Variants in DAB1 observed in about 807,000 individuals in gnomAD.
DAB1 encodes disabled homolog 1.
DAB1 carries 15 observed loss-of-function variants against 64.6 expected under a neutral mutation model. The observed-to-expected ratio is 0.23, with a 90% CI of 0.16 to 0.36. DAB1 has a LOEUF of 0.36. Ranked by LOEUF, DAB1 falls within the 10% of genes least tolerant of loss-of-function variation. DAB1 has a pLI of 1.00. For synonymous variants in DAB1, 235 were observed against 251.9 expected (o/e 0.93, Z 0.64); for missense variants, 596 against 706.7 (o/e 0.84, Z 1.78).
At chr1:57,155,281 C>T (rs1342532536) in intron 2 of DAB1, among the ~76,000 whole-genome samples, 1 of 151,918 alleles carries the variant, frequency 6.6e-6, no homozygotes, top group East Asian at 1.9e-4. Context: ...ATTAGAGAGA[C>T]TTTTTTTTCC....
intron 1 of DAB1, among the ~76,000 whole-genome samples, chr1:57,375,289 A>G (rs1224094193): frequency 6.6e-6 from 1 of 152,146 alleles, no homozygotes; most frequent in Non-Finnish European, 1.5e-5. Flanking sequence ...TTGAACCCTC[A>G]CAACAATCCC....
At chr1:57,187,379 C>T (rs1295877331) in intron 2 of DAB1, among the ~76,000 whole-genome samples, 1 of 152,166 alleles carries the variant, frequency 6.6e-6, no homozygotes, top group African/African-American at 2.4e-5. Flanking sequence ...ATCTATGTAA[C>T]AAGGTACAGT....
intron 5 of DAB1, among the ~76,000 whole-genome samples, chr1:58,117,755 A>G (rs1422254796): frequency 6.6e-6 from 1 of 152,110 alleles, no homozygotes; most frequent in African/African-American, 2.4e-5. Context: ...CAAGTAAAAG[A>G]TATGAATTGA....
chr1:57,701,688 T>C lies in DAB1; in HGVS notation n.552-52023A>G, dbSNP rs567083356. On this transcript the variant is annotated intron_variant and non_coding_transcript_variant, in intron 6 of 20. Coordinates refer to the DAB1 transcript ENST00000485760. The stretch of plus-strand genomic sequence containing the variant: ...TGCATATGTACCCTAAAACTTAAAG[T>C]ATAATAATAATAATAAAATAAAAAA... Among the ~76,000 whole-genome samples the C allele has an allele frequency of 8.9e-3, 1,343 of 151,520 alleles. 19 individuals are homozygous for C. Among genetic ancestry groups the C allele is most frequent in the African/African-American group, 0.03 (1,252 of 41,292 alleles).
intron 7 of DAB1, among the ~76,000 whole-genome samples, chr1:57,619,566 A>G (rs1040887072): frequency 6.6e-6 from 1 of 151,978 alleles, no homozygotes; most frequent in African/African-American, 2.4e-5. Context: ...GGCCTGGCTA[A>G]TTTTTTAAAC....
At chr1:58,195,125 G>GGAGA (rs746199650) in intron 4 of DAB1, among the ~76,000 whole-genome samples, 3 of 140,076 alleles carry the variant, frequency 2.1e-5, no homozygotes, top group Non-Finnish European at 3.1e-5. Context: ...AGGGCCACCA[G>GGAGA]GAGAGAGAGA....
chr1:57,356,796 C>T (rs148829451), intron 1 of DAB1, among the ~76,000 whole-genome samples: 271 of 152,116 alleles, frequency 1.8e-3, no homozygotes, highest in Middle Eastern at 0.01. Context: ...GCTACCACAG[C>T]AACTTATAAT....
chr1:57,319,943 G>C (rs1050055286), intron 1 of DAB1, among the ~76,000 whole-genome samples: 1 of 152,172 alleles, frequency 6.6e-6, no homozygotes, highest in Admixed American at 6.5e-5. Context: ...CCTGGGACCA[G>C]GAAGCAATTA....
chr1:57,251,289 C>T (rs945583663), intron 2 of DAB1, among the ~76,000 whole-genome samples: 4 of 152,212 alleles, frequency 2.6e-5, no homozygotes, highest in Admixed American at 2.6e-4. Context: ...GGACTGCCAA[C>T]TTACAGGGCC....
intron 3 of DAB1, among the ~76,000 whole-genome samples, chr1:58,484,263 G>A (rs1461979717): frequency 2.0e-5 from 3 of 152,104 alleles, no homozygotes; most frequent in African/African-American, 7.2e-5. Context: ...AAATTACCCT[G>A]CTATAAAAAC....
intron 7 of DAB1, among the ~76,000 whole-genome samples, chr1:57,589,658 G>A (rs146527721): frequency 0.047 from 7,128 of 152,148 alleles, 286 homozygotes; most frequent in Admixed American, 0.15. Flanking sequence ...TCAGGAGGCT[G>A]AGGCAAGAGT....
chr1:58,430,000 A>G (rs2100237896), intron 3 of DAB1, among the ~76,000 whole-genome samples: 1 of 152,330 alleles, frequency 6.6e-6, no homozygotes. Context: ...CACATGGCAG[A>G]AAAGAGTGAG....
At chr1:57,030,802 TC>T (rs1473769563) in intron 9 of DAB1, among the ~76,000 whole-genome samples, 1 of 152,242 alleles carries the variant, frequency 6.6e-6, no homozygotes, top group Non-Finnish European at 1.5e-5. Flanking sequence ...GCTATGCTAG[TC>T]TTTTAGACCC....
At chr1:57,797,551 G>A (rs1650929843) in intron 6 of DAB1, among the ~76,000 whole-genome samples, 1 of 152,174 alleles carries the variant, frequency 6.6e-6, no homozygotes, top group Non-Finnish European at 1.5e-5. Flanking sequence ...AGCATTTTTA[G>A]TGTTGCATAA....
At chr1:58,466,990 T>C (rs1439311020) in intron 3 of DAB1, among the ~76,000 whole-genome samples, 1 of 152,180 alleles carries the variant, frequency 6.6e-6, no homozygotes, top group Non-Finnish European at 1.5e-5. Context: ...TCACAGCAGA[T>C]CTGCGGCTTG....
intron 4 of DAB1, among the ~76,000 whole-genome samples, chr1:58,254,183 T>C (rs1358514866): frequency 3.3e-5 from 5 of 152,114 alleles, no homozygotes; most frequent in East Asian, 1.9e-4. Context: ...TATATTAGTA[T>C]AAAGACAATG....
chr1:57,287,008 C>A (rs1414737294), intron 2 of DAB1, among the ~76,000 whole-genome samples: 1 of 152,170 alleles, frequency 6.6e-6, no homozygotes, highest in Non-Finnish European at 1.5e-5. Context: ...ATTCAACATG[C>A]AAATTTAGAA....
At chr1:57,761,521 A>G (rs942696342) in intron 6 of DAB1, among the ~76,000 whole-genome samples, 8 of 152,186 alleles carry the variant, frequency 5.3e-5, no homozygotes, top group African/African-American at 1.9e-4. Context: ...TCATTGCTCC[A>G]GCTTGCAGTC....
At chr1:57,443,165 A>G (rs532215850) in intron 7 of DAB1, among the ~76,000 whole-genome samples, 4 of 152,372 alleles carry the variant, frequency 2.6e-5, no homozygotes, top group South Asian at 4.1e-4. Context: ...GGAACCTTCC[A>G]TATCTGGACT....
Sources: gnomAD v4.1 joint callset for allele counts (sites outside exome capture counted in the v4.1 genomes callset) on GRCh38, gnomAD v4.1.1 for gene constraint, MANE v1.5 for transcripts, NCBI Gene and HGNC (gene_info 2026-07-23, HGNC 2026-07-21) for gene names.